The following CYP2C19 variants were observed in gnomAD, a reference collection of about 807,000 sequenced individuals.
The protein encoded by CYP2C19 is cytochrome P450 2C19.
A neutral mutation model predicts 40.9 loss-of-function variants in CYP2C19; 59 were observed. The observed-to-expected ratio is 1.44, with a 90% confidence interval of 1.17 to 1.79. The LOEUF (loss-of-function observed/expected upper bound fraction) is 1.79, where lower values mean the gene tolerates loss of function less well. Ranked by LOEUF, CYP2C19 falls within the 40% of genes most tolerant of loss-of-function variation. The probability of loss-of-function intolerance (pLI) is 0.00; values close to 1 mark genes in which losing one functional copy is unlikely to be tolerated. For missense variants in CYP2C19, 754 were observed against 596.9 expected (o/e 1.26, Z -2.74); for synonymous variants, 253 against 208.7 (o/e 1.21, Z -1.83).
chr10:94,794,356 T>C (rs1848653151), intron 5 of CYP2C19, among the ~76,000 whole-genome samples: 1 of 152,092 alleles, frequency 6.6e-6, no homozygotes, highest in Non-Finnish European at 1.5e-5. Context: ...CCATGGGCTG[T>C]ACCCATTGTC....
chr10:94,775,406 T>A lies in CYP2C19; in HGVS notation c.348T>A (p.Asn116Lys). 1 of 1,613,822 alleles carries A rather than the reference T, an allele frequency of 6.2e-7. No individual in the cohort carries two copies. The highest frequency in any genetic ancestry group is 1.1e-5 in the South Asian group (1 of 91,038). ...ANRGFGIVFS[N>K]GKRWKEIRRF... ...TCCTGTTAGGAATCGTTTTCAGCAA[T>A]GGAAAGAGATGGAAGGAGATCCGGC... The change falls in exon 3 of 9, where the codon AAT (asparagine) becomes AAA (lysine). Residue 116 changes from asparagine (N) to lysine (K), a missense_variant. Physicochemically the swap from Asn to Lys is moderately conservative, Grantham distance 94. Transcript: ENST00000371321.
intron 5 of CYP2C19, among the ~76,000 whole-genome samples, chr10:94,792,037 C>G (rs1403722090): frequency 6.6e-6 from 1 of 152,128 alleles, no homozygotes; most frequent in African/African-American, 2.4e-5. Context: ...TTTTATGAAT[C>G]TGGGTGCTCC....
chr10:94,785,649 G>A (rs1416810883), intron 5 of CYP2C19, among the ~76,000 whole-genome samples: 2 of 152,030 alleles, frequency 1.3e-5, no homozygotes, highest in Non-Finnish European at 2.9e-5. Flanking sequence ...TAAGCATTTG[G>A]GAATTCTCAG....
intron 5 of CYP2C19, among the ~76,000 whole-genome samples, chr10:94,818,039 T>C (rs966061424): frequency 1.3e-5 from 2 of 150,360 alleles, no homozygotes; most frequent in African/African-American, 4.9e-5. Flanking sequence ...AAAAAAAATC[T>C]TTAATCCATC....
intron 5 of CYP2C19, among the ~76,000 whole-genome samples, chr10:94,807,573 G>A (rs146620202): frequency 6.6e-6 from 1 of 152,128 alleles, no homozygotes; most frequent in African/African-American, 2.4e-5. Context: ...TCTTTTTGAT[G>A]ATAGCAATTC....
At chr10:94,764,881 G>A (rs967294205) in intron 1 of CYP2C19, among the ~76,000 whole-genome samples, 2 of 152,158 alleles carry the variant, frequency 1.3e-5, no homozygotes, top group Non-Finnish European at 2.9e-5. Flanking sequence ...AACTCCAGAG[G>A]TTGGTATGAG....
intron 8 of CYP2C19, among the ~76,000 whole-genome samples, chr10:94,851,144 A>G (rs1361308962): frequency 6.6e-6 from 1 of 152,148 alleles, no homozygotes; most frequent in Non-Finnish European, 1.5e-5. Context: ...TCACAGTTCC[A>G]CAGGCTGTAC....
At chr10:94,823,847 C>G (rs562961164) in intron 6 of CYP2C19, among the ~76,000 whole-genome samples, 1 of 152,222 alleles carries the variant, frequency 6.6e-6, no homozygotes, top group East Asian at 1.9e-4. Flanking sequence ...ATAGAAAGTC[C>G]TGAGCTCCAG....
At chr10:94,840,496 G>T (rs774288549) in intron 6 of CYP2C19, among the ~76,000 whole-genome samples, 5 of 152,090 alleles carry the variant, frequency 3.3e-5, no homozygotes, top group Non-Finnish European at 7.4e-5. Context: ...GATACAACTT[G>T]CTAGAGGAAA....
intron 6 of CYP2C19, among the ~76,000 whole-genome samples, chr10:94,836,651 T>C (rs1436153576): frequency 2.0e-5 from 3 of 152,342 alleles, no homozygotes; most frequent in African/African-American, 7.2e-5. Flanking sequence ...GGTTTTGGGA[T>C]GAGGATAAGC....
Position 94,854,314 on chromosome 10 carries a change from T to A in CYP2C19, c.*1400T>A, listed in dbSNP as rs1349015306. Among the ~76,000 whole-genome samples the A allele has an allele frequency of 6.6e-6, 1 of 152,120 alleles. No individual in the cohort carries two copies. Among genetic ancestry groups the A allele is most frequent in the Non-Finnish European group, 1.5e-5 (1 of 68,024 alleles). ...GCTTACAGGCGTGAGCCACTGCACC[T>A]GGCTGAACAAAATTTCTAAGAAGAA... On this transcript the variant is annotated 3_prime_UTR_variant, in exon 9 of 9. Transcript: ENST00000371321.
At chr10:94,800,840 A>G (rs780269493) in intron 5 of CYP2C19, among the ~76,000 whole-genome samples, 3 of 152,198 alleles carry the variant, frequency 2.0e-5, no homozygotes, top group Admixed American at 6.5e-5. Flanking sequence ...ACGGGAGAGA[A>G]TCTTCTAGTC....
intron 5 of CYP2C19, among the ~76,000 whole-genome samples, chr10:94,798,143 C>T (rs1043642848): frequency 6.6e-6 from 1 of 151,984 alleles, no homozygotes; most frequent in South Asian, 2.1e-4. Context: ...TATAAATTTC[C>T]GTCTACACAC....
At chr10:94,776,307 GCT>G (rs1310031643) in intron 3 of CYP2C19, 1 of 151,564 alleles carries the variant, frequency 6.6e-6, no homozygotes, top group African/African-American at 2.4e-5. Context: ...GTATAATTTG[GCT>G]CTGTTTCATT....
intron 3 of CYP2C19, chr10:94,776,019 G>C (rs1848403325): frequency 5.8e-6 from 1 of 171,534 alleles, no homozygotes; most frequent in Non-Finnish European, 1.3e-5. Context: ...GACTTGTCTA[G>C]GGTTTCTTTT....
chr10:94,797,480 G>T (rs564561934), intron 5 of CYP2C19, among the ~76,000 whole-genome samples: 1 of 152,144 alleles, frequency 6.6e-6, no homozygotes, highest in African/African-American at 2.4e-5. Context: ...CTGGGCTTTG[G>T]TATCAGGATG....
intron 5 of CYP2C19, among the ~76,000 whole-genome samples, chr10:94,797,160 C>T (rs189510816): frequency 5.9e-5 from 9 of 152,038 alleles, no homozygotes; most frequent in East Asian, 1.9e-4. Flanking sequence ...TTTTTAGATA[C>T]GTCCCATCAA....
intron 5 of CYP2C19, among the ~76,000 whole-genome samples, chr10:94,793,124 C>T (rs1046249302): frequency 6.6e-6 from 1 of 152,096 alleles, no homozygotes; most frequent in South Asian, 2.1e-4. Context: ...TCTCTGATAC[C>T]CTTTCTTCCA....
chr10:94,808,157 G>A (rs1056133298), intron 5 of CYP2C19, among the ~76,000 whole-genome samples: 1 of 151,994 alleles, frequency 6.6e-6, no homozygotes, highest in Non-Finnish European at 1.5e-5. Flanking sequence ...TTGGTGCCTT[G>A]TCAATAATGT....
Sources: allele counts gnomAD v4.1 joint callset (sites outside exome capture counted in the v4.1 genomes callset), GRCh38; gene constraint gnomAD v4.1.1; transcripts MANE v1.5; gene names NCBI Gene and HGNC (gene_info 2026-07-23, HGNC 2026-07-21).